ATG4C: variants seen among roughly 807,000 people sequenced by gnomAD.
The protein encoded by ATG4C is cysteine protease ATG4C.
In ATG4C, 56 loss-of-function variants were observed where a neutral mutation model predicts 57.6. That is an observed-to-expected ratio of 0.97 (90% CI 0.78 to 1.21). The LOEUF is 1.21. Ranked by LOEUF, ATG4C falls within the 50% of genes most tolerant of loss-of-function variation. The probability of loss-of-function intolerance (pLI) is 0.00; values close to 1 mark genes in which losing one functional copy is unlikely to be tolerated. For missense variants in ATG4C, 595 were observed against 529.8 expected, an observed-to-expected ratio of 1.12 and a Z score of -1.21; for synonymous variants, 157 against 174.1, an observed-to-expected ratio of 0.90 and a Z score of 0.78.
chr1:62,844,270 C>T (rs1666263184), intron 10 of ATG4C, among the ~76,000 whole-genome samples: 1 of 152,034 alleles, frequency 6.6e-6, no homozygotes, highest in Admixed American at 6.6e-5. Context: ...ACAGGGCAAC[C>T]CAAGATGTGA....
intron 7 of ATG4C, among the ~76,000 whole-genome samples, chr1:62,829,750 T>C (rs563778036): frequency 1.3e-5 from 2 of 152,264 alleles, no homozygotes; most frequent in Non-Finnish European, 2.9e-5. Flanking sequence ...AAAGAACCTG[T>C]GTAGTTATGG....
At chr1:62,829,277 G>T in intron 7 of ATG4C, 101 bp downstream of exon 7, 1 of 1,319,336 alleles carries the variant, frequency 7.6e-7, no homozygotes. Flanking sequence ...TGATGATTTT[G>T]TAGTTGTACG....
At chr1:62,821,258 T>G (rs570370435) in intron 6 of ATG4C, 49 bp downstream of exon 6, 1 of 1,268,306 alleles carries the variant, frequency 7.9e-7, no homozygotes, top group East Asian at 2.5e-5. Context: ...GTCATACTTT[T>G]TATATGTGTT....
intron 4 of ATG4C, 106 bp downstream of exon 4, chr1:62,816,914 AT>A (rs1213672484): frequency 2.2e-6 from 2 of 895,832 alleles, no homozygotes; most frequent in African/African-American, 1.7e-5. Context: ...CCTGAGGTTA[AT>A]TTCTTGACTG....
At position 62,864,849 on chromosome 1, in the gene ATG4C, A is replaced by G. The variant is rs920071499; in HGVS notation, c.*690A>G. On this transcript the variant is annotated 3_prime_UTR_variant, in exon 11 of 11. Coordinates refer to ENST00000317868, the MANE Select transcript of ATG4C (RefSeq NM_032852.4). ...TATAACTGCATCAATCAAGTCAGAT[A>G]AAGGCAACTATAAAATAGTAGTAGT... 3.3e-5 allele frequency: 5 copies of G among 151,954 alleles called. No individual in the cohort carries two copies. Among genetic ancestry groups the G allele is most frequent in the African/African-American group, 1.2e-4 (5 of 41,458 alleles). 9.4% of individuals were successfully genotyped at this position (151,954 alleles called of 1,614,324 possible).
chr1:62,806,511 G>T (rs1378556707), intron 3 of ATG4C, among the ~76,000 whole-genome samples: 2 of 151,886 alleles, frequency 1.3e-5, no homozygotes, highest in Non-Finnish European at 2.9e-5. Context: ...TCTTAGGATA[G>T]AATTATATAT....
At chr1:62,861,278 A>G (rs1044500232) in intron 10 of ATG4C, among the ~76,000 whole-genome samples, 15 of 152,028 alleles carry the variant, frequency 9.9e-5, no homozygotes, top group Admixed American at 7.9e-4. Flanking sequence ...GGCCGTGGTG[A>G]CTCATGCCTG....
intron 3 of ATG4C, among the ~76,000 whole-genome samples, chr1:62,812,557 G>A (rs1344692169): frequency 6.6e-6 from 1 of 152,098 alleles, no homozygotes; most frequent in East Asian, 1.9e-4. Context: ...TTGAAAACTG[G>A]CACAAGACAA....
intron 3 of ATG4C, among the ~76,000 whole-genome samples, chr1:62,807,890 T>G (rs1267724099): frequency 6.6e-6 from 1 of 152,214 alleles, no homozygotes; most frequent in Non-Finnish European, 1.5e-5. Flanking sequence ...CCTACTTTGA[T>G]GATTGGCATC....
chr1:62,846,007 A>G (rs1666316456), intron 10 of ATG4C, among the ~76,000 whole-genome samples: 1 of 152,220 alleles, frequency 6.6e-6, no homozygotes, highest in South Asian at 2.1e-4. Flanking sequence ...GGTGAGGGAA[A>G]GAGAGAGCTC....
At chr1:62,862,411 T>C (rs184683794) in intron 10 of ATG4C, among the ~76,000 whole-genome samples, 2 of 152,158 alleles carry the variant, frequency 1.3e-5, no homozygotes, top group African/African-American at 4.8e-5. Flanking sequence ...ATGTGGATAC[T>C]TGCCCGTTAG....
At chr1:62,801,048 A>G (rs1244754965) in intron 1 of ATG4C, among the ~76,000 whole-genome samples, 1 of 152,252 alleles carries the variant, frequency 6.6e-6, no homozygotes, top group Non-Finnish European at 1.5e-5. Context: ...ATGAGGTACC[A>G]GATAACATAC....
chr1:62,835,432 A>G, intron 9 of ATG4C: 1 of 333,934 alleles, frequency 3.0e-6, no homozygotes, highest in Non-Finnish European at 6.1e-6. Context: ...TTGAGAATAC[A>G]TAAATGAAAC....
chr1:62,845,148 G>T (rs543958909), intron 10 of ATG4C, among the ~76,000 whole-genome samples: 1 of 151,336 alleles, frequency 6.6e-6, no homozygotes, highest in Non-Finnish European at 1.5e-5. Flanking sequence ...GAATTTCTGG[G>T]TCATAAGATA....
intron 1 of ATG4C, among the ~76,000 whole-genome samples, chr1:62,796,136 T>G (rs1156358658): frequency 2.6e-5 from 4 of 151,428 alleles, no homozygotes; most frequent in African/African-American, 7.3e-5. Flanking sequence ...TTCTTTATGC[T>G]TTGTAGTCAA....
chr1:62,862,013 T>C (rs192612672), intron 10 of ATG4C, among the ~76,000 whole-genome samples: 165 of 152,332 alleles, frequency 1.1e-3, no homozygotes, highest in African/African-American at 3.7e-3. Flanking sequence ...GCTGCTATTA[T>C]AAACATCCAT....
At chr1:62,784,370 G>C (rs1052785666) in intron 1 of ATG4C, 97 bp downstream of exon 1, 1 of 152,424 alleles carries the variant, frequency 6.6e-6, no homozygotes, top group African/African-American at 2.4e-5. Context: ...TCCGCCTTCA[G>C]TGAAGACCCT....
intron 10 of ATG4C, among the ~76,000 whole-genome samples, chr1:62,859,384 T>A (rs976881973): frequency 6.6e-6 from 1 of 152,224 alleles, no homozygotes; most frequent in Non-Finnish European, 1.5e-5. Context: ...GTTACTGTAC[T>A]GAATACTAGA....
intron 10 of ATG4C, among the ~76,000 whole-genome samples, chr1:62,849,134 C>T (rs1448814259): frequency 6.6e-6 from 1 of 152,106 alleles, no homozygotes; most frequent in African/African-American, 2.4e-5. Context: ...CTAACTTTGA[C>T]CCCTTGGTTA....
Sources: gnomAD v4.1 joint callset for allele counts (sites outside exome capture counted in the v4.1 genomes callset) on GRCh38, gnomAD v4.1.1 for gene constraint, MANE v1.5 for transcripts, NCBI Gene and HGNC (gene_info 2026-07-23, HGNC 2026-07-21) for gene names.